Variants in AKT2 observed in about 807,000 individuals in gnomAD.
AKT2 encodes the protein RAC-beta serine/threonine-protein kinase.
AKT2 carries 16 observed loss-of-function variants against 58.6 expected under a neutral mutation model. The ratio of observed to expected loss-of-function variants is 0.27; its 90% confidence interval spans 0.18 to 0.41. The LOEUF (loss-of-function observed/expected upper bound fraction) is 0.41, where lower values mean the gene tolerates loss of function less well. Among genes scored for constraint, AKT2 ranks in the 10% least tolerant of loss-of-function variants. AKT2 has a pLI of 1.00. For synonymous variants in AKT2, 253 were observed against 254.0 expected (o/e 1.00, Z 0.04); for missense variants, 438 against 661.0 (o/e 0.66, Z 3.70).
At chr19:40,236,208 C>A in intron 10 of AKT2, 49 bp downstream of exon 10, 2 of 1,613,414 alleles carry the variant, frequency 1.2e-6, no homozygotes, top group Non-Finnish European at 1.7e-6. Context: ...TCTGGGGGAT[C>A]CCCCTACCCT....
chr19:40,233,808 T>G lies in AKT2; in HGVS notation c.*64A>C, dbSNP rs1973843134. 5.8e-6 allele frequency: 9 copies of G among 1,538,722 alleles called. No individual in the cohort carries two copies. Among genetic ancestry groups the G allele is most frequent in the Non-Finnish European group, 8.0e-6 (9 of 1,124,712 alleles). On this transcript the variant is annotated 3_prime_UTR_variant, in exon 14 of 14. Transcript: ENST00000392038. The surrounding 1 kb of genome is among the most constrained non-coding windows in gnomAD (Gnocchi z 4.3). ...AAACCAAAAAGGCTAAGTAAAAAGT[T>G]AGGGGGAAAAAACCACCCAGCGGTG...
intron 4 of AKT2, among the ~76,000 whole-genome samples, chr19:40,254,914 C>A (rs1314319221): frequency 1.3e-5 from 2 of 152,092 alleles, no homozygotes; most frequent in Non-Finnish European, 2.9e-5. Context: ...CGAGGCCCAG[C>A]GGTCTAGACA....
chr19:40,256,400 G>A (rs182047587), intron 3 of AKT2, among the ~76,000 whole-genome samples: 20 of 152,294 alleles, frequency 1.3e-4, no homozygotes, highest in African/African-American at 4.1e-4. Context: ...GCAGAAAGGG[G>A]CAGCGATGTG....
At chr19:40,271,876 G>A (rs2145399421) in intron 1 of AKT2, among the ~76,000 whole-genome samples, 1 of 152,302 alleles carries the variant, frequency 6.6e-6, no homozygotes, top group East Asian at 1.9e-4. Flanking sequence ...ATCACCAAAT[G>A]TCTCCTGGGG....
chr19:40,251,729 G>A (rs112851758), intron 4 of AKT2, among the ~76,000 whole-genome samples: 5 of 152,028 alleles, frequency 3.3e-5, no homozygotes, highest in East Asian at 1.9e-4. Flanking sequence ...ATTCAAGTAC[G>A]GCATGGATAA....
At chr19:40,257,169 G>A (rs757983124) in intron 2 of AKT2, 115 bp from the exon 3 acceptor site, 21 of 1,372,956 alleles carry the variant, frequency 1.5e-5, no homozygotes, top group Non-Finnish European at 2.1e-5. Context: ...ACGGGGCGGG[G>A]AGGTGCGGGG....
Position 40,242,477 on chromosome 19 carries a change from G to C in AKT2, c.441+57C>G. ...TATGGAAACCAAGGAGAGCAGGCCA[G>C]CACTGGGGGTGGGGGCACCGCAGGC... On this transcript the variant is annotated intron_variant, in intron 5 of 13. Coordinates refer to ENST00000392038, the MANE Select transcript of AKT2 (RefSeq NM_001626.6). This position sits in a 1 kb window ranked among gnomAD's most constrained non-coding sequence, Gnocchi z 4.3. 2 of 1,607,228 alleles carry C rather than the reference G, an allele frequency of 1.2e-6. No individual in the cohort carries two copies. The highest frequency in any genetic ancestry group is 1.7e-6 in the Non-Finnish European group (2 of 1,177,208).
Position 40,233,745 on chromosome 19 carries a change from G to C in AKT2, c.*127C>G. 1 of 861,784 alleles carries C rather than the reference G, an allele frequency of 1.2e-6. No homozygotes were observed. The highest frequency in any genetic ancestry group is 1.8e-6 in the Non-Finnish European group (1 of 544,688). 53.4% of individuals were successfully genotyped at this position (861,784 alleles called of 1,614,324 possible). On this transcript the variant is annotated 3_prime_UTR_variant, in exon 14 of 14. Coordinates refer to ENST00000392038, the MANE Select transcript of AKT2 (RefSeq NM_001626.6). The surrounding 1 kb of genome is among the most constrained non-coding windows in gnomAD (Gnocchi z 4.3). ...GTGCGTCTGGGAGGGGCCTGAAGAA[G>C]AACTGGAAAGGGGGTGAGGAGGTGG...
intron 4 of AKT2, among the ~76,000 whole-genome samples, chr19:40,250,507 A>T (rs573181488): frequency 1.7e-4 from 25 of 149,992 alleles, no homozygotes; most frequent in Non-Finnish European, 7.4e-5. Context: ...CTGTCTAAAA[A>T]AAAAAGAAAG....
intron 9 of AKT2, chr19:40,236,726 T>C (rs1974056094): frequency 1.1e-5 from 4 of 359,278 alleles, no homozygotes; most frequent in Non-Finnish European, 2.1e-5. Context: ...TTCTGTCCTT[T>C]AATTATGAAA....
At chr19:40,277,225 C>G (rs1425983580) in intron 1 of AKT2, among the ~76,000 whole-genome samples, 1 of 152,174 alleles carries the variant, frequency 6.6e-6, no homozygotes, top group East Asian at 1.9e-4. Flanking sequence ...ACTGCTGTCA[C>G]TACTTGGTTC....
At chr19:40,245,235 T>C (rs1974672183) in intron 4 of AKT2, among the ~76,000 whole-genome samples, 2 of 152,042 alleles carry the variant, frequency 1.3e-5, no homozygotes. Flanking sequence ...TGAGACTTCT[T>C]AAGAGAAAAA....
intron 1 of AKT2, among the ~76,000 whole-genome samples, chr19:40,277,152 A>T (rs1013282915): frequency 2.0e-5 from 3 of 152,332 alleles, no homozygotes; most frequent in Admixed American, 1.3e-4. Flanking sequence ...GCAATTACAT[A>T]AAGGACTCTG....
At chr19:40,236,682 G>A (rs1019856294) in intron 9 of AKT2, 11 of 446,486 alleles carry the variant, frequency 2.5e-5, no homozygotes, top group African/African-American at 4.0e-5. Flanking sequence ...GAACGTGGGG[G>A]CACTAGCTTT....
intron 1 of AKT2, chr19:40,275,230 C>T (rs770558726): frequency 2.2e-6 from 1 of 456,848 alleles, no homozygotes; most frequent in South Asian, 1.5e-5. Context: ...GTGTCGCCTC[C>T]TCCCACACCC....
intron 7 of AKT2, 91 bp from the exon 8 acceptor site, chr19:40,239,064 C>A: frequency 7.5e-7 from 1 of 1,329,428 alleles, no homozygotes; most frequent in Non-Finnish European, 1.1e-6. Context: ...GCTTATTCTG[C>A]ACACACACAC....
chr19:40,256,723 C>T (rs1010156079), intron 3 of AKT2, among the ~76,000 whole-genome samples: 2 of 152,208 alleles, frequency 1.3e-5, no homozygotes, highest in Non-Finnish European at 2.9e-5. Context: ...GCTTCTCCCT[C>T]CCTCCCACTC....
At chr19:40,248,125 G>A (rs1974873954) in intron 4 of AKT2, among the ~76,000 whole-genome samples, 1 of 152,212 alleles carries the variant, frequency 6.6e-6, no homozygotes, top group African/African-American at 2.4e-5. Context: ...GGGATGGCCT[G>A]GACGTGGATC....
At position 40,235,542 on chromosome 19, in the gene AKT2, C is replaced by T. The variant is rs951651113; in HGVS notation, c.1176-192G>A. On this transcript the variant is annotated intron_variant, in intron 11 of 13. Transcript: ENST00000392038. This position sits in a 1 kb window ranked among gnomAD's most constrained non-coding sequence, Gnocchi z 6.3. The stretch of plus-strand genomic sequence containing the variant: ...GGTCAGAGCCAGGGAGTCAGCAACC[C>T]GGACCCACGTGTCCTCACTGCCTGG... 1.2e-5 allele frequency: 8 copies of T among 668,722 alleles called. No homozygotes were observed. Among genetic ancestry groups the T allele is most frequent in the Non-Finnish European group, 1.9e-5 (7 of 374,086 alleles). 41.4% of individuals were successfully genotyped at this position (668,722 alleles called of 1,614,324 possible).
Sources: allele counts gnomAD v4.1 joint callset (sites outside exome capture counted in the v4.1 genomes callset), GRCh38; gene constraint gnomAD v4.1.1; non-coding constraint Gnocchi (gnomAD v3.1); transcripts MANE v1.5; gene names NCBI Gene and HGNC (gene_info 2026-07-23, HGNC 2026-07-21).